Variants in PCDH15 observed in about 807,000 individuals in gnomAD.
PCDH15 encodes protocadherin-15.
A neutral mutation model predicts 178.5 loss-of-function variants in PCDH15; 129 were observed. That is an observed-to-expected ratio of 0.72 (90% confidence interval 0.63 to 0.84). The LOEUF (loss-of-function observed/expected upper bound fraction) is 0.84. Among genes scored for constraint, PCDH15 ranks in the 40% least tolerant of loss-of-function variants. The pLI is 0.00. For missense variants in PCDH15, 2,230 were observed against 2,099.9 expected, an observed-to-expected ratio of 1.06 and a Z score of -1.21; for synonymous variants, 800 against 732.0, an observed-to-expected ratio of 1.09 and a Z score of -1.50.
chr10:55,403,292 T>A (rs115993318), intron 2 of PCDH15, among the ~76,000 whole-genome samples: 2 of 151,572 alleles, frequency 1.3e-5, no homozygotes, highest in Non-Finnish European at 2.9e-5. Flanking sequence ...AAATGAAGAG[T>A]TTGTAAATAT....
intron 2 of PCDH15, among the ~76,000 whole-genome samples, chr10:55,139,042 G>C (rs1838278389): frequency 6.6e-6 from 1 of 151,928 alleles, no homozygotes; most frequent in Non-Finnish European, 1.5e-5. Context: ...ATATTTCCTT[G>C]TGATTTTAGT....
At chr10:54,538,631 G>A (rs2084843727) in intron 2 of PCDH15, among the ~76,000 whole-genome samples, 2 of 152,242 alleles carry the variant, frequency 1.3e-5, no homozygotes, top group African/African-American at 4.8e-5. Flanking sequence ...GTTGGAGGAG[G>A]GGCTGGTGGG....
In PCDH15 at chr10:54,042,731, T is replaced by G. The variant is rs969301862; in HGVS notation, c.2221-19534A>C. Among the ~76,000 whole-genome samples the G allele has an allele frequency of 3.9e-5, 6 of 152,152 alleles. No homozygotes were observed. The East Asian group carries it at 9.7e-4, about 25-fold the overall frequency. On this transcript the variant is annotated intron_variant, in intron 18 of 37. Coordinates refer to ENST00000644397, the MANE Select transcript of PCDH15 (RefSeq NM_001384140.1). ...GAGTTTGGATTCTGTTCTAACACAA[T>G]GAGCATCCACTGAAATGTCTGAGTG...
chr10:55,218,666 T>C (rs1370387300), intron 1 of PCDH15, among the ~76,000 whole-genome samples: 1 of 152,012 alleles, frequency 6.6e-6, no homozygotes, highest in African/African-American at 2.4e-5. Context: ...TCTGGGAAAA[T>C]CATGTGTTTG....
chr10:55,298,698 C>T (rs1348351615), intron 1 of PCDH15, among the ~76,000 whole-genome samples: 1 of 151,958 alleles, frequency 6.6e-6, no homozygotes, highest in East Asian at 1.9e-4. Flanking sequence ...CTCCTGCCTC[C>T]ACCTCCCGAG....
Position 54,761,577 on chromosome 10 carries a change from G to A in PCDH15, c.-29+39348C>T, listed in dbSNP as rs1402894655. On this transcript the variant is annotated intron_variant, in intron 1 of 37. Transcript: ENST00000644397. ...ACACATTTGTAATCCAAGCTACTCGGGAGGCTGAGACAGGAAAATCGCTTG... is the reference window on the plus strand; with the variant it reads ...ACACATTTGTAATCCAAGCTACTCGAGAGGCTGAGACAGGAAAATCGCTTG... 2.0e-5 allele frequency among the ~76,000 whole-genome samples: 3 copies of A among 152,058 alleles called. No homozygotes were observed. In the East Asian group the frequency reaches 5.8e-4, roughly 29 times the overall value.
intron 2 of PCDH15, among the ~76,000 whole-genome samples, chr10:55,060,620 T>C (rs1841406001): frequency 6.6e-6 from 1 of 151,892 alleles, no homozygotes; most frequent in Admixed American, 6.6e-5. Context: ...CCAGCAAAAA[T>C]AGGTTTAATG....
At chr10:54,853,170 G>A (rs1414510046) in intron 3 of PCDH15, among the ~76,000 whole-genome samples, 1 of 150,526 alleles carries the variant, frequency 6.6e-6, no homozygotes, top group Non-Finnish European at 1.5e-5. Flanking sequence ...TGAGGCAGGA[G>A]AATCACTTAA....
intron 23 of PCDH15, among the ~76,000 whole-genome samples, chr10:53,955,010 C>T (rs1287411549): frequency 1.3e-5 from 2 of 152,164 alleles, no homozygotes; most frequent in African/African-American, 2.4e-5. Flanking sequence ...ACACCATTTC[C>T]CCTTTTTCCT....
intron 21 of PCDH15, among the ~76,000 whole-genome samples, chr10:53,986,878 C>A (rs1051354968): frequency 2.0e-5 from 3 of 152,150 alleles, no homozygotes; most frequent in Admixed American, 6.6e-5. Context: ...TTTTTGTTCT[C>A]ATTTTCCAGA....
intron 3 of PCDH15, among the ~76,000 whole-genome samples, chr10:54,821,280 TAAGTA>T (rs984129566): frequency 1.3e-5 from 2 of 152,090 alleles, no homozygotes; most frequent in Non-Finnish European, 2.9e-5. Flanking sequence ...GTTAAATACC[TAAGTA>T]TAGTGTTTTG....
intron 35 of PCDH15, among the ~76,000 whole-genome samples, chr10:53,815,728 C>T (rs2076037561): frequency 6.6e-6 from 1 of 151,300 alleles, no homozygotes; most frequent in African/African-American, 2.4e-5. Context: ...TAAGTAAATA[C>T]AATAATATAT....
rs190973902 is a variant in PCDH15, at chr10:54,792,883, T to C, written c.-29+8042A>G. Reference sequence around the variant, plus strand: ...TGAGCACTGGCAGGGTGGGATCTTATATCTCATTCACTACCAGAAAGAAGG... The same window carrying C: ...TGAGCACTGGCAGGGTGGGATCTTACATCTCATTCACTACCAGAAAGAAGG... On this transcript the variant is annotated intron_variant, in intron 1 of 37. Coordinates refer to ENST00000644397, the MANE Select transcript of PCDH15 (RefSeq NM_001384140.1). 7.7e-4 allele frequency among the ~76,000 whole-genome samples: 117 copies of C among 151,912 alleles called. 1 individual carries two copies. Among genetic ancestry groups the C allele is most frequent in the Admixed American group, 1.1e-3 (17 of 15,238 alleles).
chr10:54,700,303 T>C (rs1249323229), intron 1 of PCDH15, among the ~76,000 whole-genome samples: 1 of 152,030 alleles, frequency 6.6e-6, no homozygotes, highest in African/African-American at 2.4e-5. Flanking sequence ...CGCTAAAAAA[T>C]CCAGGGTGAT....
intron 2 of PCDH15, among the ~76,000 whole-genome samples, chr10:55,027,749 A>T (rs917241373): frequency 1.3e-5 from 2 of 151,880 alleles, no homozygotes; most frequent in Non-Finnish European, 2.9e-5. Flanking sequence ...TGCTGTGTTT[A>T]TAATTCTTGT....
intron 3 of PCDH15, among the ~76,000 whole-genome samples, chr10:54,408,532 T>C (rs192822132): frequency 6.6e-6 from 1 of 152,300 alleles, no homozygotes; most frequent in East Asian, 1.9e-4. Flanking sequence ...TCATTATGTA[T>C]GAGACAAATC....
intron 2 of PCDH15, among the ~76,000 whole-genome samples, chr10:55,061,837 T>C (rs1349461769): frequency 6.6e-6 from 1 of 152,098 alleles, no homozygotes; most frequent in Non-Finnish European, 1.5e-5. Context: ...CTGGTCAACA[T>C]GGTGAAACCC....
chr10:55,290,775 T>C (rs947822668), intron 1 of PCDH15, among the ~76,000 whole-genome samples: 2 of 151,530 alleles, frequency 1.3e-5, no homozygotes, highest in Admixed American at 1.3e-4. Context: ...GAATTAGCCA[T>C]GGAAATGAAA....
intron 1 of PCDH15, among the ~76,000 whole-genome samples, chr10:54,693,871 T>C (rs2095173432): frequency 6.6e-6 from 1 of 152,130 alleles, no homozygotes; most frequent in Admixed American, 6.5e-5. Flanking sequence ...TGTCTATGGT[T>C]ATCAGAAATC....
Sources: allele counts gnomAD v4.1 joint callset (sites outside exome capture counted in the v4.1 genomes callset), GRCh38; gene constraint gnomAD v4.1.1; transcripts MANE v1.5; gene names NCBI Gene and HGNC (gene_info 2026-07-23, HGNC 2026-07-21).